The following SUN3 variants were observed in gnomAD, a reference collection of about 807,000 sequenced individuals.
SUN3 encodes the protein Sad1 and UNC84 domain containing 3, also known as SUN domain-containing protein 3.
In SUN3, 36 loss-of-function variants were observed where a neutral mutation model predicts 48.2. The ratio of observed to expected loss-of-function variants is 0.75; its 90% confidence interval spans 0.57 to 0.99. SUN3 has a LOEUF of 0.99. SUN3 is among the 50% of genes least tolerant of loss of function. The pLI, the probability that SUN3 is intolerant of heterozygous loss-of-function variation, is 0.00. For missense variants in SUN3, 419 were observed against 433.1 expected, an observed-to-expected ratio of 0.97 and a Z score of 0.29; for synonymous variants, 148 against 147.9, an observed-to-expected ratio of 1.00 and a Z score of 0.00.
intron 1 of SUN3, 34 bp downstream of exon 1, chr7:48,028,783 A>G: frequency 6.2e-7 from 1 of 1,608,442 alleles, no homozygotes; most frequent in Non-Finnish European, 8.5e-7. Context: ...AAAACCTACA[A>G]TTTCAGGCAC....
the SUN3 span, chr7:48,035,533 C>G: frequency 1.4e-6 from 1 of 698,112 alleles, no homozygotes; most frequent in Non-Finnish European, 2.6e-6. This position sits in a 1 kb window ranked among gnomAD's most constrained non-coding sequence, Gnocchi z 4.0. Flanking sequence ...CCGCGGCGCG[C>G]TGGGAGTTTG....
intron 2 of SUN3, 72 bp from the exon 3 acceptor site, chr7:48,017,437 A>G: frequency 1.2e-6 from 1 of 831,068 alleles, no homozygotes; most frequent in African/African-American, 1.7e-5. Flanking sequence ...TGTATTCATA[A>G]GAATTTCCCT....
intron 6 of SUN3, among the ~76,000 whole-genome samples, chr7:47,996,585 G>C (rs1480226032): frequency 6.6e-6 from 1 of 152,112 alleles, no homozygotes; most frequent in East Asian, 1.9e-4. Context: ...CAATTATGCA[G>C]ATTCATTGAA....
At chr7:48,006,081 G>C (rs749130854) in intron 5 of SUN3, 28 bp from the exon 6 acceptor site, 2 of 1,475,066 alleles carry the variant, frequency 1.4e-6, no homozygotes, top group Non-Finnish European at 1.9e-6. Context: ...ACAGTTTTCT[G>C]TTAACAATCT....
At chr7:48,023,003 C>A (rs1205709321) in intron 2 of SUN3, among the ~76,000 whole-genome samples, 1 of 152,028 alleles carries the variant, frequency 6.6e-6, no homozygotes, top group African/African-American at 2.4e-5. Flanking sequence ...TCAGGAAGTG[C>A]TAAAGGGATT....
chr7:47,994,430 G>A lies in SUN3; in HGVS notation c.746C>T (p.Thr249Ile), dbSNP rs752606115. 2 of 1,612,314 alleles carry A rather than the reference G, an allele frequency of 1.2e-6. No homozygotes were observed. Among genetic ancestry groups the A allele is most frequent in the African/African-American group, 2.7e-5 (2 of 74,956 alleles). Residue 249 changes from threonine (T) to isoleucine (I), a missense_variant, in exon 8 of 10, where the codon ACC becomes ATC. Physicochemically the swap from Thr to Ile is moderately conservative, Grantham distance 89. Coordinates refer to ENST00000297325, the MANE Select transcript of SUN3 (RefSeq NM_001030019.2). ...CWAFPGSQGH[T>I]LIKLATKIIP... ...GATCTTTGTAGCAAGCTTGATTAGG[G>A]TATGACCCTGGGAACCTGGAAAAGC...
intron 6 of SUN3, among the ~76,000 whole-genome samples, chr7:47,999,734 C>T (rs189136627): frequency 8.3e-4 from 126 of 152,294 alleles, no homozygotes; most frequent in African/African-American, 3.0e-3. Flanking sequence ...GGGGTTTCAC[C>T]AGGTTGGCCA....
chr7:48,019,998 A>AAAAAAAAAAAAAAAAAAAAAAC (rs1789945698), intron 2 of SUN3, among the ~76,000 whole-genome samples: 1 of 147,796 alleles, frequency 6.8e-6, no homozygotes, highest in African/African-American at 2.6e-5. Context: ...AAAAAAAAAA[A>AAAAAAAAAAAAAAAAAAAAAAC]AAAGAAAGAA....
chr7:47,987,497 C>G, intron 9 of SUN3, 48 bp from the exon 10 acceptor site: 2 of 1,449,796 alleles, frequency 1.4e-6, no homozygotes, highest in Non-Finnish European at 1.8e-6. Context: ...AAATTCATCT[C>G]AAAGAATCCC....
intron 8 of SUN3, among the ~76,000 whole-genome samples, chr7:47,991,629 A>AAAAC (rs1285856665): frequency 1.3e-5 from 2 of 151,226 alleles, no homozygotes; most frequent in Non-Finnish European, 2.9e-5. Flanking sequence ...AACAAACCCC[A>AAAAC]AAACAAACAA....
chr7:48,035,136 T>C, the SUN3 span, among the ~76,000 whole-genome samples: 1 of 152,194 alleles, frequency 6.6e-6, no homozygotes, highest in Non-Finnish European at 1.5e-5. This position sits in a 1 kb window ranked among gnomAD's most constrained non-coding sequence, Gnocchi z 4.0. Flanking sequence ...GTTATACTTA[T>C]TTGGAAAACG....
Position 47,987,315 on chromosome 7 carries a change from T to G in SUN3, c.*15A>C. ...ATATTCTGGACATGTGGCATGGCCT[T>G]CTGTACCAACTCTTCTAGATGTGCT... On this transcript the variant is annotated 3_prime_UTR_variant, in exon 10 of 10. Coordinates refer to ENST00000297325, the MANE Select transcript of SUN3 (RefSeq NM_001030019.2). 1 of 1,607,284 alleles carries G rather than the reference T, an allele frequency of 6.2e-7. No individual in the cohort carries two copies. Among genetic ancestry groups the G allele is most frequent in the Non-Finnish European group, 8.5e-7 (1 of 1,176,596 alleles).
intron 8 of SUN3, among the ~76,000 whole-genome samples, chr7:47,989,579 A>C (rs996671076): frequency 6.6e-6 from 1 of 152,184 alleles, no homozygotes; most frequent in Non-Finnish European, 1.5e-5. Flanking sequence ...ACATTCATTA[A>C]ATCATTTTAT....
chr7:48,002,692 C>A (rs532199671), intron 6 of SUN3, among the ~76,000 whole-genome samples: 1 of 152,262 alleles, frequency 6.6e-6, no homozygotes, highest in African/African-American at 2.4e-5. Context: ...CTGTTTACTC[C>A]ATTGATAGTT....
At chr7:47,991,037 C>T in intron 8 of SUN3, 2 of 455,788 alleles carry the variant, frequency 4.4e-6, no homozygotes, top group South Asian at 3.1e-5. Context: ...TGCACATATA[C>T]CTCTGAACCT....
At chr7:48,029,553 T>G (rs1414423268), upstream of SUN3, among the ~76,000 whole-genome samples, 2 of 152,240 alleles carry the variant, frequency 1.3e-5, no homozygotes, top group Non-Finnish European at 2.9e-5. Context: ...CTTGAGACAT[T>G]AACTCCACTC....
Position 47,989,075 on chromosome 7 carries a change from C to A in SUN3, c.862-195G>T, listed in dbSNP as rs539244997. The A allele has an allele frequency of 2.7e-5, 11 of 401,508 alleles. No homozygotes were observed. The South Asian group carries it at 6.8e-4, about 25-fold the overall frequency. 24.9% of individuals were successfully genotyped at this position (401,508 alleles called of 1,614,324 possible). A position where few individuals can be genotyped will look rare whatever the true frequency, so the allele number is the denominator to read the frequency against. ...GGCCCAAGGCTGATCACGGGACTGA[C>A]TAAAAGGATAGAAGATGGATGGACA... is the stretch of plus-strand genomic sequence containing the variant. On this transcript the variant is annotated intron_variant, in intron 8 of 9. Coordinates refer to ENST00000297325, the MANE Select transcript of SUN3 (RefSeq NM_001030019.2).
At position 48,007,337 on chromosome 7, in the gene SUN3, G is replaced by GA. The variant is rs758677844; in HGVS notation, c.330-11dup. The GA allele has an allele frequency of 3.1e-6, 5 of 1,611,376 alleles. No individual in the cohort carries two copies. In the South Asian group the frequency reaches 5.5e-5, roughly 18 times the overall value. ...ATTCTGGCTTTCCTTCCTGTAAAGGGAAAATCTCAGCATGAGAGGAAGAAA... is the reference window on the plus strand; with the variant it reads ...ATTCTGGCTTTCCTTCCTGTAAAGGGAAAAATCTCAGCATGAGAGGAAGAAA... On this transcript the variant is annotated splice_polypyrimidine_tract_variant and intron_variant, in intron 4 of 9. Transcript: ENST00000297325.
At chr7:48,025,199 A>G (rs1790101787) in intron 2 of SUN3, among the ~76,000 whole-genome samples, 1 of 152,216 alleles carries the variant, frequency 6.6e-6, no homozygotes, top group African/African-American at 2.4e-5. Flanking sequence ...TGAGGTATAT[A>G]CATACAATGA....
Sources: gnomAD v4.1 joint callset for allele counts (sites outside exome capture counted in the v4.1 genomes callset) on GRCh38, gnomAD v4.1.1 for gene constraint, Gnocchi (gnomAD v3.1) non-coding constraint, MANE v1.5 for transcripts, NCBI Gene and HGNC (gene_info 2026-07-23, HGNC 2026-07-21) for gene names.